The following SCAP variants were observed in gnomAD, a reference collection of about 807,000 sequenced individuals.
The protein encoded by SCAP is sterol regulatory element-binding protein cleavage-activating protein.
SCAP carries 65 observed loss-of-function variants against 123.6 expected under a neutral mutation model. The ratio of observed to expected loss-of-function variants is 0.53; its 90% CI spans 0.43 to 0.65. The LOEUF is 0.65. Ranked by LOEUF, SCAP falls within the 30% of genes least tolerant of loss-of-function variation. SCAP has a pLI of 0.00. For missense variants in SCAP, 1,398 were observed against 1,712.5 expected (o/e 0.82, Z 3.24); for synonymous variants, 740 against 726.3 (o/e 1.02, Z -0.30).
Position 47,417,578 on chromosome 3 carries a change from G to A in SCAP, c.2696C>T (p.Ala899Val), listed in dbSNP as rs750731829. ...GGAGTCCCGAGAGCGGCCACAGACC[G>A]CCCGGTGCCGGGGCTCGGGCTGAGT... is the stretch of plus-strand genomic sequence containing the variant. ...QPTQPEPRHR[A>V]VCGRSRDSPG... is the part of the protein sequence containing the mutation. Residue 899 changes from alanine (A) to valine (V), a missense_variant, in exon 17 of 23, where the codon GCG (alanine) becomes GTG (valine). Ala to Val is a moderately conservative substitution (Grantham distance 64). This residue lies in a region of SCAP where 828 missense variants were observed against 882.5 expected (regional missense o/e 0.94). Transcript: ENST00000265565. 70 of 1,591,632 alleles carry A rather than the reference G, an allele frequency of 4.4e-5. No homozygotes were observed. Among genetic ancestry groups the A allele is most frequent in the South Asian group, 1.2e-4 (11 of 88,110 alleles).
At position 47,420,486 on chromosome 3, in the gene SCAP, A is replaced by C; in HGVS notation, c.1563+68T>G. ...CCTTTGCCACTCTAAGGCCAAGTGC[A>C]GCACCACAAGGGGCCTGGAGCACCG... On this transcript the variant is annotated intron_variant, in intron 12 of 22. Transcript: ENST00000265565. The surrounding 1 kb of genome is among the most constrained non-coding windows in gnomAD (Gnocchi z 5.0). 1 of 1,393,366 alleles carries C rather than the reference A, an allele frequency of 7.2e-7. No homozygotes were observed. The highest frequency in any genetic ancestry group is 2.3e-5 in the Admixed American group (1 of 44,226). The allele number at this position is 1,393,366 out of a possible 1,614,324, so 86.3% of individuals were successfully genotyped here.
intron 4 of SCAP, among the ~76,000 whole-genome samples, 169 bp downstream of exon 4, chr3:47,428,344 C>T (rs1015091082): frequency 2.0e-5 from 3 of 152,128 alleles, no homozygotes; most frequent in Non-Finnish European, 4.4e-5. Context: ...ATGCAGCCAC[C>T]GTAGACCCAC....
chr3:47,417,303 CCTCCAGCCGG>C lies in SCAP; in HGVS notation c.2961_2970del (p.Arg988CysfsTer80), dbSNP rs1394066532. ...TGCCCACCTTTAGCCCCTCTGCCCA[CCTCCAGCCGG>C]CCGCTGCTCCGCCCCACCACGATGA... On this transcript the variant is annotated frameshift_variant and splice_region_variant, in exon 17 of 23. Transcript: ENST00000265565. LOFTEE classifies it high-confidence loss of function. 6.2e-7 allele frequency: 1 copy of C among 1,612,270 alleles called. No individual in the cohort carries two copies.
At chr3:47,455,127 G>T (rs1417930651) in intron 1 of SCAP, among the ~76,000 whole-genome samples, 1 of 144,854 alleles carries the variant, frequency 6.9e-6, no homozygotes, top group Non-Finnish European at 1.5e-5. Context: ...GTTGATAAAA[G>T]AATCACCATA....
chr3:47,421,998 C>T (rs569059149), intron 10 of SCAP, among the ~76,000 whole-genome samples: 15 of 152,396 alleles, frequency 9.8e-5, no homozygotes, highest in African/African-American at 2.9e-4. Flanking sequence ...ATGCGTCTGG[C>T]GACTGCGGCA....
Position 47,420,476 on chromosome 3 carries a change from G to T in SCAP, c.1563+78C>A. The T allele has an allele frequency of 1.5e-6, 2 of 1,331,268 alleles. No individual in the cohort carries two copies. The highest frequency in any genetic ancestry group is 1.4e-5 in the South Asian group (1 of 69,470). 82.5% of individuals were successfully genotyped at this position (1,331,268 alleles called of 1,614,324 possible). A position where few individuals can be genotyped will look rare whatever the true frequency, so the allele number is the denominator to read the frequency against. On this transcript the variant is annotated intron_variant, in intron 12 of 22. Coordinates refer to ENST00000265565, the MANE Select transcript of SCAP (RefSeq NM_012235.4). The surrounding 1 kb of genome is among the most constrained non-coding windows in gnomAD (Gnocchi z 5.0). ...TGAGGAATACCCTTTGCCACTCTAAGGCCAAGTGCAGCACCACAAGGGGCC... is the reference window on the plus strand; with the variant it reads ...TGAGGAATACCCTTTGCCACTCTAATGCCAAGTGCAGCACCACAAGGGGCC...
intron 4 of SCAP, among the ~76,000 whole-genome samples, chr3:47,428,144 G>T (rs1706217833): frequency 6.6e-6 from 1 of 152,074 alleles, no homozygotes; most frequent in African/African-American, 2.4e-5. Context: ...ACTTGGGCTG[G>T]GGCTTCAGAA....
rs1165566738 is a variant in SCAP, at chr3:47,413,701, A to AGAT, written c.*150_*152dup. 9 of 1,053,750 alleles carry AGAT rather than the reference A, an allele frequency of 8.5e-6. No individual in the cohort carries two copies. The highest frequency in any genetic ancestry group is 7.8e-5 in the South Asian group (5 of 64,372). 65.3% of individuals were successfully genotyped at this position (1,053,750 alleles called of 1,614,324 possible). A position where few individuals can be genotyped will look rare whatever the true frequency, so the allele number is the denominator to read the frequency against. The stretch of plus-strand genomic sequence containing the variant: ...ACAAGTAGCTCCCAAAGTGCCTGAC[A>AGAT]GATGATGATATGGTTTTTTAAAAAA... On this transcript the variant is annotated 3_prime_UTR_variant, in exon 23 of 23. Transcript: ENST00000265565.
At position 47,414,823 on chromosome 3, in the gene SCAP, T is replaced by G. The variant is rs1376508632; in HGVS notation, c.3306+4A>C. ...CAGCACCCAAGAGACAAGACAATAC[T>G]CACTCTCAGTGTGTGGTCTTGGCTC... On this transcript the variant is annotated splice_donor_region_variant and intron_variant, in intron 20 of 22. Transcript: ENST00000265565. The G allele has an allele frequency of 6.2e-7, 1 of 1,603,558 alleles. No individual in the cohort carries two copies. Among genetic ancestry groups the G allele is most frequent in the South Asian group, 1.1e-5 (1 of 89,184 alleles).
intron 1 of SCAP, among the ~76,000 whole-genome samples, chr3:47,465,132 C>A (rs1418974155): frequency 6.6e-6 from 1 of 151,776 alleles, no homozygotes; most frequent in Non-Finnish European, 1.5e-5. Context: ...GAAAGAAATC[C>A]CACTTTCCCA....
At chr3:47,423,685 C>T (rs982174765) in intron 9 of SCAP, among the ~76,000 whole-genome samples, 4 of 152,234 alleles carry the variant, frequency 2.6e-5, no homozygotes, top group African/African-American at 9.6e-5. Context: ...TGAGCCATGG[C>T]ACCCAGCCTG....
At chr3:47,469,909 T>C in intron 1 of SCAP, 1 of 495,236 alleles carries the variant, frequency 2.0e-6, no homozygotes, top group Non-Finnish European at 4.0e-6. Flanking sequence ...CACTGAATCC[T>C]TGACCTCTTA....
intron 1 of SCAP, among the ~76,000 whole-genome samples, chr3:47,445,243 C>CTT (rs970206797): frequency 2.1e-4 from 24 of 111,854 alleles, no homozygotes; most frequent in Admixed American, 4.7e-4. Context: ...GTTTTCAATT[C>CTT]TTTTTTTTTT....
At position 47,414,079 on chromosome 3, in the gene SCAP, G is replaced by A; in HGVS notation, c.3615C>T (p.Ser1205=). 29 of 1,613,422 alleles carry A rather than the reference G, an allele frequency of 1.8e-5. No individual in the cohort carries two copies. Among genetic ancestry groups the A allele is most frequent in the Middle Eastern group, 1.6e-4 (1 of 6,062 alleles). ...SIQQDLGCGA[S]LGVISDNLLV... is the part of the protein sequence containing the mutation. Reference sequence around the variant, plus strand: ...GCAGGTTGTCTGAGATGACACCCAAGCTTGCACCACAGCCCAGGTCCTGGA... The same window carrying A: ...GCAGGTTGTCTGAGATGACACCCAAACTTGCACCACAGCCCAGGTCCTGGA... The change falls in exon 23 of 23, where the codon AGC becomes AGT. Residue 1205 remains serine (S), a synonymous_variant. Coordinates refer to ENST00000265565, the MANE Select transcript of SCAP (RefSeq NM_012235.4).
intron 21 of SCAP, 73 bp downstream of exon 21, chr3:47,414,499 G>A (rs547237166): frequency 6.2e-6 from 10 of 1,602,108 alleles, no homozygotes; most frequent in Middle Eastern, 1.7e-4. Flanking sequence ...AGGCCCCTGG[G>A]GACCAGCTCC....
intron 18 of SCAP, among the ~76,000 whole-genome samples, chr3:47,416,793 A>G (rs992224350): frequency 1.3e-5 from 2 of 149,876 alleles, no homozygotes; most frequent in African/African-American, 5.0e-5. Context: ...CGCCCGGCTA[A>G]TTTTTTGTAT....
chr3:47,455,087 ATATATAT>A (rs376681326), intron 1 of SCAP, among the ~76,000 whole-genome samples: 22,468 of 140,986 alleles, frequency 0.16, 1,832 homozygotes, highest in Non-Finnish European at 0.19. Flanking sequence ...ATATATATAT[ATATATAT>A]AATCAACTGA....
intron 1 of SCAP, among the ~76,000 whole-genome samples, chr3:47,460,831 C>T (rs927902602): frequency 2.6e-5 from 4 of 152,228 alleles, no homozygotes; most frequent in African/African-American, 9.6e-5. Context: ...GCTGGGATTA[C>T]AGGCGTGAGC....
intron 16 of SCAP, 127 bp from the exon 17 acceptor site, chr3:47,417,953 GGT>G (rs1705694361): frequency 1.3e-5 from 6 of 472,236 alleles, no homozygotes; most frequent in Non-Finnish European, 2.3e-5. Context: ...GGGAGAGGGT[GGT>G]GCGGGGTGGG....
Sources: gnomAD v4.1 joint callset for allele counts (sites outside exome capture counted in the v4.1 genomes callset) on GRCh38, gnomAD v4.1.1 for gene constraint, gnomAD v4.1.1 regional missense constraint, Gnocchi (gnomAD v3.1) non-coding constraint, MANE v1.5 for transcripts, NCBI Gene and HGNC (gene_info 2026-07-23, HGNC 2026-07-21) for gene names.